The following NRG4 variants were observed in gnomAD, a reference collection of about 807,000 sequenced individuals.
NRG4 encodes neuregulin 4, also known as pro-neuregulin-4, membrane-bound isoform.
A neutral mutation model predicts 15.0 loss-of-function variants in NRG4; 10 were observed. The observed-to-expected ratio is 0.67, with a 90% CI of 0.41 to 1.13. The LOEUF (loss-of-function observed/expected upper bound fraction) is 1.13, where lower values mean the gene tolerates loss of function less well. Ranked by LOEUF, NRG4 falls within the 50% of genes most tolerant of loss-of-function variation. The probability of loss-of-function intolerance (pLI) is 0.00; values close to 1 mark genes in which losing one functional copy is unlikely to be tolerated. For synonymous variants in NRG4, 41 were observed against 50.1 expected (o/e 0.82, Z 0.77); for missense variants, 139 against 140.2 (o/e 0.99, Z 0.04).
rs546661353 is a variant in NRG4, at chr15:75,992,159, T to C, written c.104+17041A>G. On this transcript the variant is annotated intron_variant, in intron 3 of 5. Coordinates refer to ENST00000394907, the MANE Select transcript of NRG4 (RefSeq NM_138573.4). ...GTTCCCTTTACTTCCCTTCCCTTTA[T>C]GCCACAGTTGTCATGTGTATTGCAT... Among the ~76,000 whole-genome samples the C allele has an allele frequency of 4.6e-5, 7 of 152,316 alleles. No individual in the cohort carries two copies. The South Asian group carries it at 1.2e-3, about 27-fold the overall frequency.
chr15:75,978,553 T>A (rs562746347), intron 3 of NRG4, among the ~76,000 whole-genome samples: 1 of 152,278 alleles, frequency 6.6e-6, no homozygotes, highest in Admixed American at 6.5e-5. Flanking sequence ...TTTTGAGACA[T>A]ATACCCAGCA....
At chr15:75,943,724 C>T (rs929218121) in intron 5 of NRG4, 70 bp from the exon 6 acceptor site, 2 of 961,854 alleles carry the variant, frequency 2.1e-6, no homozygotes, top group African/African-American at 3.3e-5. Context: ...CACCTATCTA[C>T]ATGTCTCTTA....
rs960206764 is a variant in NRG4, at chr15:75,942,985, TAACA to T, written c.*649_*652del. 9.9e-5 allele frequency: 15 copies of T among 152,202 alleles called. No homozygotes were observed. The highest frequency in any genetic ancestry group is 3.6e-4 in the African/African-American group (15 of 41,434). The allele number at this position is 152,202 out of a possible 1,614,324, so 9.4% of individuals were successfully genotyped here. On this transcript the variant is annotated 3_prime_UTR_variant, in exon 6 of 6. Coordinates refer to ENST00000394907, the MANE Select transcript of NRG4 (RefSeq NM_138573.4). ...GAACTTTGTGACCTGTGTAGTACAA[TAACA>T]ATCCTAAATTTCCAGTTACTTGCAC...
At chr15:76,040,177 G>T (rs1046793495) in intron 4 of NRG4, among the ~76,000 whole-genome samples, 1 of 152,118 alleles carries the variant, frequency 6.6e-6, no homozygotes, top group Non-Finnish European at 1.5e-5. Context: ...CAAGAGAAAA[G>T]AAACAAATAA....
At chr15:75,991,120 C>T (rs1047524052) in intron 3 of NRG4, among the ~76,000 whole-genome samples, 1 of 152,016 alleles carries the variant, frequency 6.6e-6, no homozygotes, top group South Asian at 2.1e-4. Context: ...GGTAAGAGAA[C>T]GTACTCTAAG....
chr15:75,990,915 T>C (rs947692784), intron 3 of NRG4, among the ~76,000 whole-genome samples: 1 of 152,024 alleles, frequency 6.6e-6, no homozygotes, highest in African/African-American at 2.4e-5. Flanking sequence ...CCTTAAATTG[T>C]TCCTCCCACC....
downstream of NRG4, chr15:75,936,904 A>G (rs922866536): frequency 5.3e-5 from 8 of 152,170 alleles, no homozygotes; most frequent in Admixed American, 1.3e-4. Context: ...CAGATTTATA[A>G]AAGTTTTTGC....
At chr15:75,999,550 A>G (rs1567101423) in intron 3 of NRG4, among the ~76,000 whole-genome samples, 1 of 152,186 alleles carries the variant, frequency 6.6e-6, no homozygotes, top group Non-Finnish European at 1.5e-5. Flanking sequence ...GCTTGCAACA[A>G]GAAGGCCCTC....
intron 5 of NRG4, among the ~76,000 whole-genome samples, chr15:76,028,361 T>C (rs1256365445): frequency 6.6e-6 from 1 of 151,840 alleles, no homozygotes; most frequent in Admixed American, 6.6e-5. Flanking sequence ...CATGAACAAC[T>C]ACATGCCAAT....
intron 5 of NRG4, among the ~76,000 whole-genome samples, chr15:75,944,796 T>A (rs966994614): frequency 6.6e-6 from 1 of 152,098 alleles, no homozygotes; most frequent in Non-Finnish European, 1.5e-5. Context: ...CTTATAGTTA[T>A]GGTGTTGCAG....
intron 3 of NRG4, among the ~76,000 whole-genome samples, chr15:75,962,268 A>C (rs989922115): frequency 6.6e-6 from 1 of 152,234 alleles, no homozygotes; most frequent in African/African-American, 2.4e-5. Context: ...ATTTTCAATC[A>C]TATAAATGTC....
intron 1 of NRG4, among the ~76,000 whole-genome samples, chr15:76,058,073 A>C (rs1160212000): frequency 1.3e-5 from 2 of 152,304 alleles, no homozygotes; most frequent in East Asian, 3.9e-4. Context: ...ATCAAATCTT[A>C]AGTAGAGTTC....
At chr15:76,051,795 T>C (rs1375347336) in intron 4 of NRG4, among the ~76,000 whole-genome samples, 1 of 149,730 alleles carries the variant, frequency 6.7e-6, no homozygotes, top group Non-Finnish European at 1.5e-5. Context: ...ATGGTCTTGA[T>C]CTCCTGACCT....
intron 3 of NRG4, among the ~76,000 whole-genome samples, chr15:76,006,856 C>T (rs1192777142): frequency 6.6e-6 from 1 of 152,132 alleles, no homozygotes; most frequent in Non-Finnish European, 1.5e-5. Flanking sequence ...AATGAATCTC[C>T]AAATTCCAGC....
At chr15:76,007,854 G>T (rs927195241) in intron 3 of NRG4, among the ~76,000 whole-genome samples, 6 of 151,644 alleles carry the variant, frequency 4.0e-5, no homozygotes, top group African/African-American at 1.5e-4. Context: ...TGTATTCAAA[G>T]GTGACACCTT....
intron 3 of NRG4, among the ~76,000 whole-genome samples, chr15:75,982,210 C>T (rs1172039673): frequency 1.3e-5 from 2 of 152,014 alleles, no homozygotes; most frequent in African/African-American, 4.8e-5. Context: ...ATAAGAAAAC[C>T]GTAGGTCATT....
At chr15:76,006,918 T>C (rs2034626151) in intron 3 of NRG4, among the ~76,000 whole-genome samples, 1 of 152,172 alleles carries the variant, frequency 6.6e-6, no homozygotes, top group Admixed American at 6.5e-5. Flanking sequence ...AGATAGCTAG[T>C]ATACAGATAG....
chr15:75,972,741 G>T (rs1339797569), intron 3 of NRG4, among the ~76,000 whole-genome samples: 1 of 152,022 alleles, frequency 6.6e-6, no homozygotes, highest in Non-Finnish European at 1.5e-5. Flanking sequence ...TATCTGTTTT[G>T]GTACCAGTAC....
chr15:75,938,510 A>G (rs1032124728), downstream of NRG4: 4 of 152,228 alleles, frequency 2.6e-5, no homozygotes. Context: ...CCAAAGAACT[A>G]AAGGAAAACA....
Sources: gnomAD v4.1 joint callset for allele counts (sites outside exome capture counted in the v4.1 genomes callset) on GRCh38, gnomAD v4.1.1 for gene constraint, MANE v1.5 for transcripts, NCBI Gene and HGNC (gene_info 2026-07-23, HGNC 2026-07-21) for gene names.